Variants in GATAD1 observed in about 807,000 individuals in gnomAD.
GATAD1 encodes the protein GATA zinc finger domain-containing protein 1.
GATAD1 carries 12 observed loss-of-function variants against 26.5 expected under a neutral mutation model. The ratio of observed to expected loss-of-function variants is 0.45; its 90% CI spans 0.29 to 0.73. GATAD1 has a LOEUF of 0.73. Ranked by LOEUF, GATAD1 falls within the 30% of genes least tolerant of loss-of-function variation. The pLI is 0.10. For synonymous variants in GATAD1, 129 were observed against 133.1 expected, an observed-to-expected ratio of 0.97 and a Z score of 0.21; for missense variants, 266 against 342.1, an observed-to-expected ratio of 0.78 and a Z score of 1.75.
At chr7:92,467,890 A>G in the GATAD1 span, among the ~76,000 whole-genome samples, 1 of 152,210 alleles carries the variant, frequency 6.6e-6, no homozygotes, top group Non-Finnish European at 1.5e-5. Context: ...ATTTCAGCTC[A>G]CTGATGCCTT....
the GATAD1 span, chr7:92,472,099 C>T: frequency 1.3e-5 from 2 of 152,210 alleles, no homozygotes; most frequent in Admixed American, 6.5e-5. Flanking sequence ...AAAAGGTCCC[C>T]TCGAGTGGCA....
chr7:92,454,744 TAA>T, intron 4 of GATAD1, 59 bp downstream of exon 4: 1 of 1,178,970 alleles, frequency 8.5e-7, no homozygotes, highest in South Asian at 1.5e-5. Flanking sequence ...CAATATTATG[TAA>T]AAGAGTGTGT....
At position 92,457,457 on chromosome 7, in the gene GATAD1, T is replaced by A. The variant is rs1244194898; in HGVS notation, c.*895T>A. The A allele has an allele frequency of 6.6e-6, 1 of 152,072 alleles. No individual in the cohort carries two copies. Among genetic ancestry groups the A allele is most frequent in the Non-Finnish European group, 1.5e-5 (1 of 68,034 alleles). The allele number at this position is 152,072 out of a possible 1,614,324, so 9.4% of individuals were successfully genotyped here. On this transcript the variant is annotated 3_prime_UTR_variant, in exon 5 of 5. Transcript: ENST00000287957. Reference sequence around the variant, plus strand: ...CCAGCCTGGGTGGACAGAGCAAGACTCCGTCTCAAAGAAACAAACAAAAAA... The same window carrying A: ...CCAGCCTGGGTGGACAGAGCAAGACACCGTCTCAAAGAAACAAACAAAAAA...
chr7:92,494,193 G>A, the GATAD1 span: 7 of 852,616 alleles, frequency 8.2e-6, no homozygotes, highest in East Asian at 5.2e-5. Flanking sequence ...TAAGAAAGCT[G>A]GTCTTCTAAG....
At chr7:92,492,148 A>G in the GATAD1 span, among the ~76,000 whole-genome samples, 1 of 152,078 alleles carries the variant, frequency 6.6e-6, no homozygotes, top group Admixed American at 6.5e-5. Flanking sequence ...ATAAACCAAG[A>G]ATATTTTTCT....
the GATAD1 span, chr7:92,494,060 T>TC: frequency 2.0e-6 from 1 of 488,216 alleles, no homozygotes; most frequent in Non-Finnish European, 3.7e-6. Context: ...CATTTTTTTT[T>TC]CCCCAATCAG....
chr7:92,471,292 G>A, the GATAD1 span: 13 of 164,430 alleles, frequency 7.9e-5, no homozygotes, highest in African/African-American at 2.9e-4. Context: ...AAGGAGCTTG[G>A]CGATAAGGCA....
downstream of GATAD1, among the ~76,000 whole-genome samples, chr7:92,464,538 T>G (rs747583446): frequency 2.4e-4 from 37 of 152,170 alleles, no homozygotes; most frequent in Non-Finnish European, 4.3e-4. Flanking sequence ...CAGTCAAGGC[T>G]CCCTTTCTCA....
chr7:92,494,303 G>T, the GATAD1 span: 1 of 1,612,152 alleles, frequency 6.2e-7, no homozygotes, highest in Non-Finnish European at 8.5e-7. Context: ...CTGATCAGGA[G>T]GAGGACAGTA....
At chr7:92,479,823 A>T in the GATAD1 span, among the ~76,000 whole-genome samples, 18 of 152,090 alleles carry the variant, frequency 1.2e-4, no homozygotes, top group African/African-American at 4.1e-4. Flanking sequence ...GTATAGAACG[A>T]TTGGTGATGG....
chr7:92,451,410 A>C (rs1390228438), intron 3 of GATAD1, among the ~76,000 whole-genome samples: 1 of 152,360 alleles, frequency 6.6e-6, no homozygotes, highest in East Asian at 1.9e-4. Context: ...AAGGCTCGGC[A>C]GGCCTGGCAC....
At chr7:92,464,373 G>T (rs1790028650), downstream of GATAD1, among the ~76,000 whole-genome samples, 1 of 152,204 alleles carries the variant, frequency 6.6e-6, no homozygotes. Context: ...GCACCTAGTT[G>T]ATTTCTGTCT....
At chr7:92,450,844 C>T in intron 3 of GATAD1, 84 bp downstream of exon 3, 1 of 804,124 alleles carries the variant, frequency 1.2e-6, no homozygotes, top group Non-Finnish European at 2.2e-6. Context: ...CTAAAGGTCT[C>T]TGCTACTCTT....
At chr7:92,486,796 T>A in the GATAD1 span, among the ~76,000 whole-genome samples, 1 of 152,224 alleles carries the variant, frequency 6.6e-6, no homozygotes, top group South Asian at 2.1e-4. Context: ...ACGCAGATTG[T>A]ATTGATGGTG....
Position 92,449,079 on chromosome 7 carries a change from T to G in GATAD1, c.375+202T>G, listed in dbSNP as rs113199895. The G allele has an allele frequency of 0.068, 72,550 of 1,067,188 alleles. 2,878 individuals are homozygous for G. The highest frequency in any genetic ancestry group is 0.078 in the Non-Finnish European group (63,561 of 810,592). 66.1% of individuals were successfully genotyped at this position (1,067,188 alleles called of 1,614,324 possible). A position where few individuals can be genotyped will look rare whatever the true frequency, so the allele number is the denominator to read the frequency against. On this transcript the variant is annotated intron_variant, in intron 2 of 4. Transcript: ENST00000287957. ...TATAAAGTTAATAATACTCTTTCCT[T>G]TTTGTTTTTTAGCTTTTATTTTTTC...
chr7:92,480,485 A>T, the GATAD1 span, among the ~76,000 whole-genome samples: 3 of 152,200 alleles, frequency 2.0e-5, no homozygotes, highest in Admixed American at 2.0e-4. Flanking sequence ...CCTTGAGGAT[A>T]TGTTTCCACG....
rs762654572 is a variant in GATAD1 at position 92,454,591 on chromosome 7, G to T, written c.525G>T (p.Gln175His). ...PYYAQIRGFIQDQYCEKSAAL... is the reference protein window; with the variant it reads ...PYYAQIRGFIHDQYCEKSAAL... ...ATGCTCAAATCAGAGGTTTTATCCA[G>T]GACCAGTATTGCGAGAAGAGTGCAG... The change falls in exon 4 of 5, where the codon CAG becomes CAT. Residue 175 changes from glutamine (Q) to histidine (H), a missense_variant. Transcript: ENST00000287957. 1 of 1,613,188 alleles carries T rather than the reference G, an allele frequency of 6.2e-7. No individual in the cohort carries two copies. Among genetic ancestry groups the T allele is most frequent in the Non-Finnish European group, 8.5e-7 (1 of 1,179,142 alleles).
the GATAD1 span, chr7:92,472,518 G>T: frequency 6.6e-6 from 1 of 152,218 alleles, no homozygotes; most frequent in Non-Finnish European, 1.5e-5. Context: ...GACATATGAA[G>T]AAAAGTCTTG....
the GATAD1 span, chr7:92,492,840 A>G: frequency 2.4e-6 from 2 of 826,264 alleles, no homozygotes; most frequent in Non-Finnish European, 4.3e-6. Context: ...TTATGTTTCT[A>G]TACAGTTTTA....
Sources: gnomAD v4.1 joint callset for allele counts (sites outside exome capture counted in the v4.1 genomes callset) on GRCh38, gnomAD v4.1.1 for gene constraint, MANE v1.5 for transcripts, NCBI Gene and HGNC (gene_info 2026-07-23, HGNC 2026-07-21) for gene names.